Variants in RFTN2 observed in about 807,000 individuals in gnomAD.
The protein encoded by RFTN2 is raftlin-2.
In RFTN2, 34 loss-of-function variants were observed where a neutral mutation model predicts 52.7. That is an observed-to-expected ratio of 0.64 (90% CI 0.49 to 0.86). The LOEUF (loss-of-function observed/expected upper bound fraction) is 0.86, where lower values mean the gene tolerates loss of function less well. RFTN2 is among the 40% of genes least tolerant of loss of function. RFTN2 has a pLI of 0.00. For missense variants in RFTN2, 536 were observed against 600.1 expected (o/e 0.89, Z 1.12); for synonymous variants, 203 against 217.7 (o/e 0.93, Z 0.59).
chr2:197,596,569 A>G (rs2087796363), intron 7 of RFTN2, among the ~76,000 whole-genome samples: 1 of 152,264 alleles, frequency 6.6e-6, no homozygotes, highest in Non-Finnish European at 1.5e-5. Flanking sequence ...TTATTGGAAA[A>G]TAAGGTTGCT....
Position 197,675,451 on chromosome 2 carries a change from C to T in RFTN2, c.8G>A (p.Cys3Tyr), listed in dbSNP as rs1192006729. 2.5e-6 allele frequency: 4 copies of T among 1,573,296 alleles called. No individual in the cohort carries two copies. Among genetic ancestry groups the T allele is most frequent in the Non-Finnish European group, 3.4e-6 (4 of 1,161,358 alleles). Reference sequence around the variant, plus strand: ...AGGGTCTTCTAGCTTTCTAAGTCCGCACCCCATGGCAAAATCTGTAAGGAA... The same window carrying T: ...AGGGTCTTCTAGCTTTCTAAGTCCGTACCCCATGGCAAAATCTGTAAGGAA... MG[C>Y]GLRKLEDPDD... Residue 3 changes from cysteine to tyrosine, a missense_variant, in exon 1 of 9, where the codon TGC becomes TAC. Coordinates refer to ENST00000295049, the MANE Select transcript of RFTN2 (RefSeq NM_144629.3).
intron 4 of RFTN2, among the ~76,000 whole-genome samples, chr2:197,632,622 T>C (rs2106233725): frequency 6.6e-6 from 1 of 152,272 alleles, no homozygotes; most frequent in East Asian, 1.9e-4. Flanking sequence ...TCCTATACTT[T>C]TTACATTGCA....
At chr2:197,592,422 C>T (rs1223654545) in intron 8 of RFTN2, among the ~76,000 whole-genome samples, 18 of 152,236 alleles carry the variant, frequency 1.2e-4, no homozygotes, top group African/African-American at 2.4e-4. Flanking sequence ...CTTGAACTCC[C>T]GACCTCAGAT....
chr2:197,630,367 TC>T (rs2088448934), intron 5 of RFTN2, among the ~76,000 whole-genome samples: 1 of 152,174 alleles, frequency 6.6e-6, no homozygotes, highest in Non-Finnish European at 1.5e-5. Context: ...TTACTACCTT[TC>T]CTTTTTCTTT....
chr2:197,640,275 T>G (rs1021511372), intron 3 of RFTN2, among the ~76,000 whole-genome samples: 4 of 152,096 alleles, frequency 2.6e-5, no homozygotes, highest in Non-Finnish European at 5.9e-5. Context: ...AGTTGGAGCT[T>G]CCTGGCTGCT....
chr2:197,639,627 A>G (rs1295903179), intron 3 of RFTN2, among the ~76,000 whole-genome samples: 2 of 89,648 alleles, frequency 2.2e-5, no homozygotes, highest in African/African-American at 9.0e-5. Context: ...TGGTTATTCT[A>G]GTTATACATT....
Position 197,571,936 on chromosome 2 carries a change from T to G in RFTN2, c.*72A>C. 6.8e-7 allele frequency: 1 copy of G among 1,460,084 alleles called. No homozygotes were observed. The highest frequency in any genetic ancestry group is 9.5e-7 in the Non-Finnish European group (1 of 1,053,734). 90.4% of individuals were successfully genotyped at this position (1,460,084 alleles called of 1,614,324 possible). On this transcript the variant is annotated 3_prime_UTR_variant, in exon 9 of 9. Transcript: ENST00000295049. Reference sequence around the variant, plus strand: ...AAATATTACATAAATGCAGAGAAAGTAATACAATAAGGTCAGTTGGCAATG... The same window carrying G: ...AAATATTACATAAATGCAGAGAAAGGAATACAATAAGGTCAGTTGGCAATG...
intron 8 of RFTN2, among the ~76,000 whole-genome samples, chr2:197,573,745 A>G (rs2087365984): frequency 6.6e-6 from 1 of 152,196 alleles, no homozygotes; most frequent in Non-Finnish European, 1.5e-5. Flanking sequence ...CTAGGAGGAA[A>G]AAATGTTTTT....
At chr2:197,661,260 C>T (rs569964446) in intron 1 of RFTN2, among the ~76,000 whole-genome samples, 1 of 151,046 alleles carries the variant, frequency 6.6e-6, no homozygotes, top group South Asian at 2.1e-4. Context: ...GACAAGACTC[C>T]AGCTCTGTTG....
chr2:197,598,015 A>G (rs909979328), intron 7 of RFTN2, among the ~76,000 whole-genome samples: 3 of 152,210 alleles, frequency 2.0e-5, no homozygotes, highest in African/African-American at 7.2e-5. Flanking sequence ...TATCTTCCAG[A>G]GAGCAAATTC....
chr2:197,672,063 C>T (rs561886863), intron 1 of RFTN2, among the ~76,000 whole-genome samples: 5 of 152,184 alleles, frequency 3.3e-5, no homozygotes, highest in African/African-American at 9.6e-5. Flanking sequence ...TGAATTTTCA[C>T]TAATAAGCAG....
intron 8 of RFTN2, chr2:197,588,067 C>T: frequency 2.2e-6 from 1 of 457,530 alleles, no homozygotes; most frequent in South Asian, 1.7e-5. Flanking sequence ...TGTGTGTTTC[C>T]TAAATAAAAA....
At chr2:197,577,263 C>T (rs1028158957) in intron 8 of RFTN2, among the ~76,000 whole-genome samples, 3 of 152,230 alleles carry the variant, frequency 2.0e-5, no homozygotes, top group Admixed American at 2.0e-4. Context: ...GCAAAATAAA[C>T]TTTCTAAATT....
chr2:197,660,096 G>A (rs1559367246), intron 1 of RFTN2, among the ~76,000 whole-genome samples: 1 of 152,216 alleles, frequency 6.6e-6, no homozygotes, highest in African/African-American at 2.4e-5. Flanking sequence ...AGTAAGTGGT[G>A]AGGCTGTGAT....
At chr2:197,643,786 TG>T (rs1352228895) in intron 3 of RFTN2, among the ~76,000 whole-genome samples, 23 of 152,342 alleles carry the variant, frequency 1.5e-4, no homozygotes, top group African/African-American at 5.1e-4. Flanking sequence ...CATTTTCTTT[TG>T]TTTTTTTATA....
At chr2:197,632,027 A>C (rs556098082) in intron 4 of RFTN2, among the ~76,000 whole-genome samples, 22 of 152,330 alleles carry the variant, frequency 1.4e-4, no homozygotes, top group Non-Finnish European at 2.6e-4. Flanking sequence ...ACATACTTTA[A>C]AAATACTGAG....
chr2:197,599,190 C>T (rs1402591765), intron 7 of RFTN2, among the ~76,000 whole-genome samples: 1 of 152,086 alleles, frequency 6.6e-6, no homozygotes, highest in African/African-American at 2.4e-5. Flanking sequence ...CCGCCCACCT[C>T]GGCCTCCCAA....
intron 8 of RFTN2, among the ~76,000 whole-genome samples, chr2:197,574,190 C>T (rs1196574326): frequency 6.6e-6 from 1 of 152,210 alleles, no homozygotes; most frequent in Non-Finnish European, 1.5e-5. Flanking sequence ...CCTGGAAAAG[C>T]TGCAGACACT....
At chr2:197,586,711 G>A (rs1376798668) in intron 8 of RFTN2, among the ~76,000 whole-genome samples, 2 of 152,012 alleles carry the variant, frequency 1.3e-5, no homozygotes, top group African/African-American at 2.4e-5. Context: ...ATGACCTTTC[G>A]TAGCCTCTCT....
Sources: allele counts gnomAD v4.1 joint callset (sites outside exome capture counted in the v4.1 genomes callset), GRCh38; gene constraint gnomAD v4.1.1; transcripts MANE v1.5; gene names NCBI Gene and HGNC (gene_info 2026-07-23, HGNC 2026-07-21).